CDYL2: variants seen among roughly 807,000 people sequenced by gnomAD.
The protein encoded by CDYL2 is chromodomain Y-like protein 2.
In CDYL2, 23 loss-of-function variants were observed where a neutral mutation model predicts 49.4. The ratio of observed to expected loss-of-function variants is 0.47; its 90% CI spans 0.34 to 0.66. The LOEUF (loss-of-function observed/expected upper bound fraction) is 0.66. CDYL2 is among the 30% of genes least tolerant of loss of function. The pLI, the probability that CDYL2 is intolerant of heterozygous loss-of-function variation, is 0.01. For synonymous variants in CDYL2, 360 were observed against 268.8 expected, an observed-to-expected ratio of 1.34 and a Z score of -3.32; for missense variants, 678 against 656.4, an observed-to-expected ratio of 1.03 and a Z score of -0.36.
chr16:80,773,385 AT>A (rs1341548863), intron 1 of CDYL2, among the ~76,000 whole-genome samples: 1 of 152,160 alleles, frequency 6.6e-6, no homozygotes, highest in Non-Finnish European at 1.5e-5. Flanking sequence ...CGGAACAGAG[AT>A]TTTTCACACA....
chr16:80,609,985 G>GGTTAGGC (rs1906522295), intron 5 of CDYL2, among the ~76,000 whole-genome samples: 1 of 152,160 alleles, frequency 6.6e-6, no homozygotes, highest in African/African-American at 2.4e-5. Flanking sequence ...GAGGCATCAT[G>GGTTAGGC]ACAGCACCAA....
intron 1 of CDYL2, among the ~76,000 whole-genome samples, chr16:80,734,640 T>A (rs1905452427): frequency 6.6e-6 from 1 of 152,050 alleles, no homozygotes; most frequent in Non-Finnish European, 1.5e-5. Flanking sequence ...ACTTACTCAT[T>A]CAAGGGGGTT....
intron 1 of CDYL2, among the ~76,000 whole-genome samples, chr16:80,750,547 T>C (rs542071764): frequency 2.6e-5 from 4 of 151,934 alleles, no homozygotes; most frequent in Admixed American, 6.6e-5. Context: ...ACAAATAAAC[T>C]TGGCAAATAC....
chr16:80,620,480 CA>C (rs1208912992), intron 4 of CDYL2, among the ~76,000 whole-genome samples: 1 of 152,168 alleles, frequency 6.6e-6, no homozygotes, highest in Admixed American at 6.5e-5. Flanking sequence ...TCTTTCCGAT[CA>C]AAAGAATGAA....
intron 1 of CDYL2, among the ~76,000 whole-genome samples, chr16:80,785,859 G>C (rs552269967): frequency 6.6e-6 from 1 of 152,134 alleles, no homozygotes; most frequent in African/African-American, 2.4e-5. Context: ...AAAAGCAATG[G>C]GGAAAAGATT....
At chr16:80,670,722 G>C (rs748045602) in intron 2 of CDYL2, among the ~76,000 whole-genome samples, 5 of 152,042 alleles carry the variant, frequency 3.3e-5, no homozygotes, top group Non-Finnish European at 1.5e-5. Context: ...CCAGGGTCTC[G>C]ATTTTCTTTC....
At chr16:80,742,493 G>C (rs540114820) in intron 1 of CDYL2, among the ~76,000 whole-genome samples, 55 of 150,854 alleles carry the variant, frequency 3.6e-4, no homozygotes, top group South Asian at 1.5e-3. Context: ...TGGATGGATG[G>C]ATGAATAGAT....
At chr16:80,785,564 T>TCC (rs1211604158) in intron 1 of CDYL2, among the ~76,000 whole-genome samples, 2 of 152,012 alleles carry the variant, frequency 1.3e-5, no homozygotes, top group Non-Finnish European at 2.9e-5. Context: ...TTCAATGCTA[T>TCC]CCCCATCAAG....
chr16:80,680,373 T>C (rs1242639396), intron 2 of CDYL2, among the ~76,000 whole-genome samples: 1 of 152,206 alleles, frequency 6.6e-6, no homozygotes, highest in Non-Finnish European at 1.5e-5. Context: ...GTGATGCTCA[T>C]CACCTTCCTG....
At chr16:80,804,006 C>T in intron 1 of CDYL2, 144 bp downstream of exon 1, 1 of 352,600 alleles carries the variant, frequency 2.8e-6, no homozygotes, top group Non-Finnish European at 3.9e-6. Flanking sequence ...CCCCCGCCAC[C>T]CTCCGGCCGC....
At chr16:80,744,913 C>T (rs1290035743) in intron 1 of CDYL2, among the ~76,000 whole-genome samples, 1 of 152,148 alleles carries the variant, frequency 6.6e-6, no homozygotes, top group Non-Finnish European at 1.5e-5. Flanking sequence ...GGAACCAGTG[C>T]CACTGAGCCA....
intron 1 of CDYL2, among the ~76,000 whole-genome samples, chr16:80,716,471 T>G (rs564579666): frequency 1.3e-5 from 2 of 151,258 alleles, no homozygotes; most frequent in Admixed American, 1.3e-4. Context: ...AATGGACGGA[T>G]AGCTGGATGA....
At position 80,662,766 on chromosome 16, in the gene CDYL2, G is replaced by A. The variant is rs759608285; in HGVS notation, c.616+21772C>T. On this transcript the variant is annotated intron_variant, in intron 2 of 6. Transcript: ENST00000570137. ...TAACCACCTGTGGCTGATGGCTACC[G>A]TACTGGACAGTGAAGGGAATCACAC... 24 of 455,816 alleles carry A rather than the reference G, an allele frequency of 5.3e-5. 1 individual carries two copies. The highest frequency in any genetic ancestry group is 6.5e-4 in the Middle Eastern group (2 of 3,070). 28.2% of individuals were successfully genotyped at this position (455,816 alleles called of 1,614,324 possible).
intron 1 of CDYL2, among the ~76,000 whole-genome samples, chr16:80,793,906 C>A (rs1379755488): frequency 1.3e-5 from 2 of 152,156 alleles, no homozygotes; most frequent in Non-Finnish European, 2.9e-5. Context: ...CCGTAACAGT[C>A]TCGGCAGTCA....
intron 1 of CDYL2, among the ~76,000 whole-genome samples, chr16:80,736,917 T>G (rs766785487): frequency 9.9e-5 from 15 of 152,260 alleles, no homozygotes; most frequent in Non-Finnish European, 2.1e-4. Flanking sequence ...ACAACCTCAG[T>G]ATTTCCATTT....
intron 1 of CDYL2, among the ~76,000 whole-genome samples, chr16:80,721,350 C>T (rs1195288745): frequency 6.6e-6 from 1 of 152,190 alleles, no homozygotes; most frequent in African/African-American, 2.4e-5. Context: ...TGCCTGAAGT[C>T]ATGTAGCAAA....
intron 1 of CDYL2, among the ~76,000 whole-genome samples, chr16:80,780,754 G>A (rs369414762): frequency 3.3e-5 from 5 of 151,934 alleles, no homozygotes; most frequent in Admixed American, 6.6e-5. Flanking sequence ...ACATCATTTC[G>A]AATACTATTC....
chr16:80,756,061 G>A (rs893670730), intron 1 of CDYL2, among the ~76,000 whole-genome samples: 1 of 152,078 alleles, frequency 6.6e-6, no homozygotes, highest in Non-Finnish European at 1.5e-5. Context: ...TCATAATAGT[G>A]ATATGGCCAA....
chr16:80,684,912 C>T lies in CDYL2; in HGVS notation c.242G>A (p.Ser81Asn). Reference protein sequence around the residue: ...QSSTSKLLRDSRGPSVEKLSH... With the variant: ...QSSTSKLLRDNRGPSVEKLSH... ...CAGTTTCTCAACCGACGGGCCTCGA[C>T]TGTCACGCAGCAGCTTGGAGGTACT... The change falls in exon 2 of 7, where the codon AGT (serine) becomes AAT (asparagine). Residue 81 changes from serine (S) to asparagine (N), a missense_variant. Around this residue, in one of 3 missense-constraint regions of CDYL2, gnomAD observed 478 missense variants for 427.0 expected, o/e 1.12. Transcript: ENST00000570137. 1.2e-6 allele frequency: 2 copies of T among 1,614,180 alleles called. No individual in the cohort carries two copies. The highest frequency in any genetic ancestry group is 1.7e-6 in the Non-Finnish European group (2 of 1,180,042).
Sources: allele counts gnomAD v4.1 joint callset (sites outside exome capture counted in the v4.1 genomes callset), GRCh38; gene constraint gnomAD v4.1.1; regional missense constraint gnomAD v4.1.1; transcripts MANE v1.5; gene names NCBI Gene and HGNC (gene_info 2026-07-23, HGNC 2026-07-21).